Variants in AP2B1 observed in about 807,000 individuals in gnomAD.
AP2B1 encodes the protein adaptor related protein complex 2 subunit beta 1, also known as AP-2 complex subunit beta.
A neutral mutation model predicts 102.0 loss-of-function variants in AP2B1; 23 were observed. That is an observed-to-expected ratio of 0.23 (90% CI 0.16 to 0.32). AP2B1 has a LOEUF of 0.32. AP2B1 is among the 10% of genes least tolerant of loss of function. The probability of loss-of-function intolerance (pLI) is 1.00; values close to 1 mark genes in which losing one functional copy is unlikely to be tolerated. For synonymous variants in AP2B1, 381 were observed against 421.2 expected (o/e 0.90, Z 1.17); for missense variants, 541 against 1,157.4 (o/e 0.47, Z 7.73).
chr17:35,632,490 G>T (rs1292700708), intron 9 of AP2B1, among the ~76,000 whole-genome samples: 1 of 152,116 alleles, frequency 6.6e-6, no homozygotes, highest in Non-Finnish European at 1.5e-5. Context: ...TTTAGTGAAA[G>T]ATATGAGTAG....
At chr17:35,692,124 C>A (rs2076054189) in intron 18 of AP2B1, among the ~76,000 whole-genome samples, 1 of 152,178 alleles carries the variant, frequency 6.6e-6, no homozygotes. Flanking sequence ...AAGCAATCGG[C>A]AAGAGTTCCA....
chr17:35,689,116 A>G (rs2075992843), intron 18 of AP2B1, among the ~76,000 whole-genome samples: 1 of 151,986 alleles, frequency 6.6e-6, no homozygotes, highest in African/African-American at 2.4e-5. Flanking sequence ...CCATAACCCT[A>G]CTCTATTGTT....
chr17:35,720,227 A>G (rs1429004716), intron 21 of AP2B1, among the ~76,000 whole-genome samples: 1 of 152,104 alleles, frequency 6.6e-6, no homozygotes, highest in East Asian at 1.9e-4. Context: ...TTCTCTGGTC[A>G]TTGAGCATGT....
chr17:35,664,906 C>G (rs1207754526), intron 14 of AP2B1, among the ~76,000 whole-genome samples: 1 of 152,154 alleles, frequency 6.6e-6, no homozygotes, highest in African/African-American at 2.4e-5. Context: ...TTTTGTCTTA[C>G]ATCAGGAAGT....
chr17:35,665,910 G>A (rs1420830486), intron 14 of AP2B1, among the ~76,000 whole-genome samples: 1 of 152,190 alleles, frequency 6.6e-6, no homozygotes, highest in Non-Finnish European at 1.5e-5. Context: ...ATGATAATTT[G>A]TGGGATTTTT....
At chr17:35,642,359 A>G (rs963237817) in intron 12 of AP2B1, among the ~76,000 whole-genome samples, 2 of 152,204 alleles carry the variant, frequency 1.3e-5, no homozygotes, top group African/African-American at 4.8e-5. Context: ...GCATTGTTCT[A>G]CCTTCCAGAG....
At chr17:35,720,566 TA>T (rs1568063594) in intron 21 of AP2B1, among the ~76,000 whole-genome samples, 197 of 54,744 alleles carry the variant, frequency 3.6e-3, no homozygotes, top group Non-Finnish European at 4.6e-3. Context: ...TATATATATA[TA>T]TATATATTTT....
At chr17:35,683,997 A>G (rs2075878789) in intron 18 of AP2B1, among the ~76,000 whole-genome samples, 1 of 152,272 alleles carries the variant, frequency 6.6e-6, no homozygotes, top group Admixed American at 6.5e-5. Context: ...TTCCAAATTT[A>G]CACTACTTAT....
intron 17 of AP2B1, among the ~76,000 whole-genome samples, chr17:35,674,774 T>A (rs868075333): frequency 2.0e-5 from 3 of 152,350 alleles, no homozygotes; most frequent in African/African-American, 7.2e-5. Context: ...TTGCAAGCCT[T>A]TTCAGTTATC....
At chr17:35,695,605 C>G (rs1312502877) in intron 18 of AP2B1, among the ~76,000 whole-genome samples, 1 of 152,132 alleles carries the variant, frequency 6.6e-6, no homozygotes, top group Non-Finnish European at 1.5e-5. Context: ...CTGCTTTCTG[C>G]CAGTGTATAA....
At position 35,670,188 on chromosome 17, in the gene AP2B1, T is replaced by C. The variant is rs192517622; in HGVS notation, c.1990-669T>C. On this transcript the variant is annotated intron_variant, in intron 14 of 21. Transcript: ENST00000610402. ...TCTCCAAATAAATCCACATTTCTCC[T>C]TAGTAGAATTGACTGTGAAAGAGAT... Among the ~76,000 whole-genome samples, 890 of 152,332 alleles carry C rather than the reference T, an allele frequency of 5.8e-3. 13 individuals carry two copies. Among genetic ancestry groups the C allele is most frequent in the African/African-American group, 0.02 (831 of 41,566 alleles).
At chr17:35,698,030 A>AAATCGAAAAATAG (rs1568009617) in intron 18 of AP2B1, among the ~76,000 whole-genome samples, 1 of 152,176 alleles carries the variant, frequency 6.6e-6, no homozygotes, top group Non-Finnish European at 1.5e-5. Flanking sequence ...TAAGAAAACA[A>AAATCGAAAAATAG]TTTTTTCAGG....
chr17:35,680,695 T>TG (rs55953302), intron 17 of AP2B1, among the ~76,000 whole-genome samples: 31,118 of 98,336 alleles, frequency 0.32, 3,653 homozygotes, highest in African/African-American at 0.39. Context: ...GGTTTTTTTT[T>TG]TTTTGTTTTT....
intron 12 of AP2B1, among the ~76,000 whole-genome samples, chr17:35,648,438 C>T (rs1005773137): frequency 1.3e-5 from 2 of 152,066 alleles, no homozygotes; most frequent in African/African-American, 4.8e-5. Context: ...ATCACTTGAA[C>T]CCGAGAGGCA....
intron 21 of AP2B1, among the ~76,000 whole-genome samples, chr17:35,719,415 C>G (rs2085288492): frequency 6.6e-6 from 1 of 152,004 alleles, no homozygotes; most frequent in South Asian, 2.1e-4. Context: ...CACCCCAGCC[C>G]TAACCCCGGC....
intron 1 of AP2B1, among the ~76,000 whole-genome samples, chr17:35,593,607 C>A (rs1404073621): frequency 6.6e-6 from 1 of 152,034 alleles, no homozygotes; most frequent in Non-Finnish European, 1.5e-5. Context: ...TTTGACCTTA[C>A]ACTGCTTCAG....
At chr17:35,669,563 C>T (rs984692819) in intron 14 of AP2B1, among the ~76,000 whole-genome samples, 1 of 152,222 alleles carries the variant, frequency 6.6e-6, no homozygotes, top group African/African-American at 2.4e-5. Flanking sequence ...TAGTTTACAA[C>T]AGAGCATGCT....
At chr17:35,636,282 T>G in intron 9 of AP2B1, 59 bp from the exon 10 acceptor site, 2 of 1,209,306 alleles carry the variant, frequency 1.7e-6, no homozygotes, top group Non-Finnish European at 2.4e-6. Flanking sequence ...ATTTTTATGT[T>G]GAGGTGGTGT....
intron 18 of AP2B1, among the ~76,000 whole-genome samples, chr17:35,688,118 C>G (rs1052881725): frequency 1.3e-5 from 2 of 152,190 alleles, no homozygotes; most frequent in Non-Finnish European, 2.9e-5. Flanking sequence ...CATCTTAACC[C>G]TGGAGATTCA....
Sources: gnomAD v4.1 joint callset for allele counts (sites outside exome capture counted in the v4.1 genomes callset) on GRCh38, gnomAD v4.1.1 for gene constraint, MANE v1.5 for transcripts, NCBI Gene and HGNC (gene_info 2026-07-23, HGNC 2026-07-21) for gene names.